ZNF674: variants seen among roughly 807,000 people sequenced by gnomAD.
ZNF674 encodes the protein zinc finger protein 674, also known as zinc finger family member 674.
A neutral mutation model predicts 7.0 loss-of-function variants in ZNF674; 2 were observed. The ratio of observed to expected loss-of-function variants is 0.29; its 90% CI spans 0.12 to 0.90. ZNF674 has a LOEUF of 0.90. Among genes scored for constraint, ZNF674 ranks in the 40% least tolerant of loss-of-function variants. The pLI is 0.57. For missense variants in ZNF674, 297 were observed against 415.5 expected (o/e 0.71, Z 2.48); for synonymous variants, 103 against 145.2 (o/e 0.71, Z 2.09).
At chrX:46,517,824 C>A (rs1941796308) in intron 5 of ZNF674, 1 of 111,396 alleles carries the variant, frequency 9.0e-6, no homozygotes, top group African/African-American at 3.3e-5. Context: ...AGCATGGCTC[C>A]TGTGTAAGGA....
intron 5 of ZNF674, among the ~76,000 whole-genome samples, chrX:46,512,131 C>A (rs967855997): frequency 9.0e-6 from 1 of 111,569 alleles, no homozygotes; most frequent in African/African-American, 3.3e-5. Flanking sequence ...GAGGCCGAGG[C>A]GGGAGGATCA....
chrX:46,532,982 T>C (rs761616006), intron 3 of ZNF674, among the ~76,000 whole-genome samples: 4 of 111,914 alleles, frequency 3.6e-5, no homozygotes, highest in Non-Finnish European at 5.6e-5. Flanking sequence ...AAGCTTATAA[T>C]AGCCTTCTGC....
chrX:46,505,853 T>C (rs1487436943), intron 5 of ZNF674, among the ~76,000 whole-genome samples: 1 of 110,804 alleles, frequency 9.0e-6, no homozygotes. Context: ...CACTTGGCAC[T>C]ACTACTACTC....
At chrX:46,539,297 C>T (rs55904393) in intron 3 of ZNF674, among the ~76,000 whole-genome samples, 26,703 of 112,146 alleles carry the variant, frequency 0.24, 2,752 homozygotes, top group Middle Eastern at 0.38. Context: ...TTGGATAATG[C>T]ACTGTGATTG....
At chrX:46,538,593 A>T (rs753824046) in intron 3 of ZNF674, among the ~76,000 whole-genome samples, 2 of 111,486 alleles carry the variant, frequency 1.8e-5, no homozygotes, top group South Asian at 3.7e-4. Context: ...AATGATGGTT[A>T]AAAAAAATGA....
At chrX:46,522,793 A>G (rs1182329699) in intron 5 of ZNF674, 2 of 113,134 alleles carry the variant, frequency 1.8e-5, no homozygotes, top group African/African-American at 6.4e-5. Context: ...GTAGTGAATA[A>G]AAGAAATAAG....
chrX:46,517,599 C>T (rs979331177), intron 5 of ZNF674, among the ~76,000 whole-genome samples: 3 of 111,853 alleles, frequency 2.7e-5, no homozygotes, highest in Admixed American at 9.6e-5. Context: ...AAAAAAGGTA[C>T]ACTGCCTACA....
rs759994127 is a variant in ZNF674 at position 46,500,172 on chromosome X, C to T, written c.1402G>A (p.Glu468Lys). 48 of 1,210,572 alleles carry T rather than the reference C, an allele frequency of 4.0e-5. No individual in the cohort carries two copies. Among genetic ancestry groups the T allele is most frequent in the Non-Finnish European group, 5.0e-5 (45 of 894,998 alleles). ...HTGEKPYKCN[E>K]CGKAFSEKSP... ...TTCTCACTAAAGGCTTTCCCACATT[C>T]GTTGCATTTATAGGGTTTCTCTCCT... The change falls in exon 6 of 6, where the codon GAA (glutamate) becomes AAA (lysine). Residue 468 changes from glutamate (E) to lysine (K), a missense_variant. By Grantham distance (56) the Glu-to-Lys change is moderately conservative (BLOSUM62 1). Coordinates refer to ENST00000683375, the MANE Select transcript of ZNF674 (RefSeq NM_001190417.2).
Position 46,515,624 on chromosome X carries a change from A to G in ZNF674, c.238+12726T>C, listed in dbSNP as rs140035072. ...TACCAAACTGTTTGCTTTATTTTTT[A>G]TTTTTTGGAGACAGGGTCTTGCTCT... On this transcript the variant is annotated intron_variant, in intron 5 of 5. Transcript: ENST00000683375. Among the ~76,000 whole-genome samples, 862 of 110,757 alleles carry G rather than the reference A, an allele frequency of 7.8e-3. 6 individuals carry two copies. Among genetic ancestry groups the G allele is most frequent in the African/African-American group, 0.027 (824 of 30,478 alleles).
intron 5 of ZNF674, among the ~76,000 whole-genome samples, chrX:46,503,015 C>T (rs1466526907): frequency 8.9e-6 from 1 of 112,071 alleles, no homozygotes; most frequent in African/African-American, 3.2e-5. Context: ...GGAAGAAAGG[C>T]ATGTATCCTA....
At chrX:46,540,641 G>A (rs1056044925) in intron 3 of ZNF674, among the ~76,000 whole-genome samples, 2 of 111,400 alleles carry the variant, frequency 1.8e-5, no homozygotes, top group East Asian at 2.8e-4. Flanking sequence ...GAAGGATTTC[G>A]GAGGGCAAAT....
At chrX:46,539,713 G>C (rs898328242) in intron 3 of ZNF674, among the ~76,000 whole-genome samples, 40 of 112,559 alleles carry the variant, frequency 3.6e-4, no homozygotes, top group African/African-American at 1.3e-3. Flanking sequence ...ACCTAGTAGA[G>C]ATAGAGGCCA....
At chrX:46,522,600 C>T (rs887045947) in intron 5 of ZNF674, among the ~76,000 whole-genome samples, 1 of 111,633 alleles carries the variant, frequency 9.0e-6, no homozygotes, top group Non-Finnish European at 1.9e-5. Flanking sequence ...GGAGTTCAAG[C>T]CTGCAATGAG....
chrX:46,543,849 C>A (rs776262024), intron 2 of ZNF674, among the ~76,000 whole-genome samples: 18 of 112,441 alleles, frequency 1.6e-4, no homozygotes, highest in Admixed American at 2.8e-4. Context: ...GGCAGCAGAG[C>A]TGGATGACAG....
chrX:46,514,129 T>C (rs1941715564), intron 5 of ZNF674, among the ~76,000 whole-genome samples: 1 of 110,838 alleles, frequency 9.0e-6, no homozygotes, highest in Non-Finnish European at 1.9e-5. Flanking sequence ...CTAAGGAAAA[T>C]AATTTCTTTA....
rs1941404262 is a variant in ZNF674 at position 46,500,625 on chromosome X, G to T, written c.949C>A (p.His317Asn). The T allele has an allele frequency of 8.3e-7, 1 of 1,210,814 alleles. No homozygotes were observed. The highest frequency in any genetic ancestry group is 1.1e-6 in the Non-Finnish European group (1 of 894,842). The change falls in exon 6 of 6, where the codon CAT (histidine) becomes AAT (asparagine). Residue 317 changes from histidine (H) to asparagine (N), a missense_variant. His to Asn is a moderately conservative substitution (Grantham distance 68). Coordinates refer to ENST00000683375, the MANE Select transcript of ZNF674 (RefSeq NM_001190417.2). Reference protein sequence around the residue: ...KCPKAFKSSYHLIRHEKTHIR... With the variant: ...KCPKAFKSSYNLIRHEKTHIR... ...TGTGTTTTTTCATGTCTAATAAGAT[G>T]ATATGAACTCTTAAAGGCTTTTGGA...
intron 5 of ZNF674, among the ~76,000 whole-genome samples, chrX:46,521,310 C>T (rs1416129825): frequency 1.8e-5 from 2 of 110,862 alleles, no homozygotes; most frequent in Non-Finnish European, 3.8e-5. Context: ...GGCATGGTGT[C>T]TCATGCCTGT....
Position 46,542,229 on chromosome X carries a change from G to A in ZNF674, c.-29-113C>T, listed in dbSNP as rs139970891. The A allele has an allele frequency of 2.9e-3, 1,194 of 409,696 alleles. 15 individuals carry two copies. In the South Asian group the frequency reaches 0.04, roughly 14 times the overall value. The allele number at this position is 409,696 out of a possible 1,213,427, so 33.8% of individuals were successfully genotyped here. On this transcript the variant is annotated intron_variant, in intron 2 of 5. Transcript: ENST00000683375. The stretch of plus-strand genomic sequence containing the variant: ...CTGGGAAGAATCATCTAAAAATAAG[G>A]CCTGGTAGCTTCAGCCTATTCCATG...
chrX:46,498,246 T>C lies in ZNF674; in HGVS notation c.*1597A>G, dbSNP rs767845309. 1.2e-4 allele frequency: 13 copies of C among 111,853 alleles called. No homozygotes were observed. In the South Asian group the frequency reaches 4.8e-3, roughly 42 times the overall value. 9.2% of individuals were successfully genotyped at this position (111,853 alleles called of 1,213,427 possible). On this transcript the variant is annotated 3_prime_UTR_variant, in exon 6 of 6. Transcript: ENST00000683375. ...ATTTTTTCACTACTTTAAATAATAC[T>C]GCTGTTATGGAAGATACTCTGAAAA...
Sources: allele counts gnomAD v4.1 joint callset (sites outside exome capture counted in the v4.1 genomes callset), GRCh38; gene constraint gnomAD v4.1.1; transcripts MANE v1.5; gene names NCBI Gene and HGNC (gene_info 2026-07-23, HGNC 2026-07-21).